Variants in CEP63 observed in about 807,000 individuals in gnomAD.
CEP63 encodes centrosomal protein of 63 kDa.
A neutral mutation model predicts 89.1 loss-of-function variants in CEP63; 84 were observed. The ratio of observed to expected loss-of-function variants is 0.94; its 90% CI spans 0.79 to 1.13. The LOEUF (loss-of-function observed/expected upper bound fraction) is 1.13, where lower values mean the gene tolerates loss of function less well. CEP63 is among the 50% of genes most tolerant of loss of function. CEP63 has a pLI of 0.00. For synonymous variants in CEP63, 267 were observed against 272.5 expected, an observed-to-expected ratio of 0.98 and a Z score of 0.20; for missense variants, 838 against 813.3, an observed-to-expected ratio of 1.03 and a Z score of -0.37.
chr3:134,548,140 TG>T (rs1953964334), intron 9 of CEP63, among the ~76,000 whole-genome samples: 1 of 152,192 alleles, frequency 6.6e-6, no homozygotes, highest in Non-Finnish European at 1.5e-5. Flanking sequence ...ATCACCCATC[TG>T]GGGGAAAAAC....
chr3:134,532,025 A>G (rs560352769), intron 4 of CEP63, 85 bp downstream of exon 4: 6 of 876,470 alleles, frequency 6.8e-6, no homozygotes, highest in Admixed American at 4.2e-5. Flanking sequence ...GCCAGTTTCT[A>G]CTTTGTAAAG....
At chr3:134,485,752 C>T (rs923445162), upstream of CEP63, 5 of 156,428 alleles carry the variant, frequency 3.2e-5, no homozygotes, top group African/African-American at 1.2e-4. Context: ...GCAGGATGTA[C>T]CAAACGTGGA....
chr3:134,753,361 A>G, the CEP63 span, among the ~76,000 whole-genome samples: 1 of 151,978 alleles, frequency 6.6e-6, no homozygotes, highest in Non-Finnish European at 1.5e-5. Flanking sequence ...GGGATTTGTC[A>G]TTGACTCCTG....
the CEP63 span, among the ~76,000 whole-genome samples, chr3:134,655,932 G>T: frequency 1.3e-5 from 2 of 152,148 alleles, no homozygotes; most frequent in East Asian, 3.8e-4. Flanking sequence ...TTGGTGGCTG[G>T]GAGCATTCAG....
At chr3:134,644,747 G>C in the CEP63 span, among the ~76,000 whole-genome samples, 3 of 152,326 alleles carry the variant, frequency 2.0e-5, no homozygotes, top group Non-Finnish European at 4.4e-5. Flanking sequence ...AGCCAATCAA[G>C]GTGGGGGGTG....
At chr3:134,771,841 A>C in the CEP63 span, among the ~76,000 whole-genome samples, 1 of 152,120 alleles carries the variant, frequency 6.6e-6, no homozygotes, top group East Asian at 1.9e-4. Flanking sequence ...AATGTAAAAT[A>C]AAAAAAAGAA....
chr3:134,697,513 A>G, the CEP63 span, among the ~76,000 whole-genome samples: 2 of 152,102 alleles, frequency 1.3e-5, no homozygotes, highest in Non-Finnish European at 2.9e-5. Context: ...GTATGGGGAG[A>G]TGGAAGTGTT....
At chr3:134,621,851 ACTC>A in the CEP63 span, among the ~76,000 whole-genome samples, 28 of 152,228 alleles carry the variant, frequency 1.8e-4, no homozygotes, top group South Asian at 5.6e-3. Context: ...TATAAAAAGA[ACTC>A]CTACAACTCC....
rs1363699887 is a variant in CEP63, at chr3:134,562,174, G to T, written c.*639G>T. 5 of 986,286 alleles carry T rather than the reference G, an allele frequency of 5.1e-6. No individual in the cohort carries two copies. The highest frequency in any genetic ancestry group is 6.0e-6 in the Non-Finnish European group (5 of 830,612). The allele number at this position is 986,286 out of a possible 1,614,324, so 61.1% of individuals were successfully genotyped here. A position where few individuals can be genotyped will look rare whatever the true frequency, so the allele number is the denominator to read the frequency against. On this transcript the variant is annotated 3_prime_UTR_variant, in exon 15 of 15. Transcript: ENST00000675561. ...CTGGCTGTCATGCACGGTGCCCATGGAATATCCATTGGAAATAAATGTTCA... is the reference window on the plus strand; with the variant it reads ...CTGGCTGTCATGCACGGTGCCCATGTAATATCCATTGGAAATAAATGTTCA...
the CEP63 span, among the ~76,000 whole-genome samples, chr3:134,606,279 C>T: frequency 2.0e-5 from 3 of 152,302 alleles, no homozygotes; most frequent in South Asian, 2.1e-4. Flanking sequence ...CCTTTGAAAA[C>T]GTCCACCTGG....
At chr3:134,617,695 C>T in the CEP63 span, among the ~76,000 whole-genome samples, 1 of 152,154 alleles carries the variant, frequency 6.6e-6, no homozygotes, top group Admixed American at 6.6e-5. Flanking sequence ...TAAGGCAACA[C>T]ATGAGTTTGG....
At chr3:134,579,275 A>C (rs1210705050), downstream of CEP63, among the ~76,000 whole-genome samples, 1 of 152,240 alleles carries the variant, frequency 6.6e-6, no homozygotes, top group Admixed American at 6.5e-5. Context: ...GGTTTGGTTT[A>C]TGCAGAGCTG....
the CEP63 span, among the ~76,000 whole-genome samples, chr3:134,675,945 G>A: frequency 6.6e-6 from 1 of 152,178 alleles, no homozygotes. Flanking sequence ...AATGTAAAAT[G>A]ATACAGCCAC....
intron 1 of CEP63, among the ~76,000 whole-genome samples, chr3:134,489,649 A>G (rs113550759): frequency 0.013 from 1,960 of 152,242 alleles, 37 homozygotes; most frequent in African/African-American, 0.042. Flanking sequence ...TATTTCTTCA[A>G]TATTTATCAA....
the CEP63 span, among the ~76,000 whole-genome samples, chr3:134,741,987 A>AGTGTGTGTGT: frequency 3.3e-4 from 49 of 147,588 alleles, no homozygotes; most frequent in African/African-American, 1.1e-3. Context: ...CTGAGAGACC[A>AGTGTGTGTGT]GTGTGTGTGT....
chr3:134,770,330 G>A, the CEP63 span, among the ~76,000 whole-genome samples: 1 of 152,224 alleles, frequency 6.6e-6, no homozygotes. Context: ...AGAGTCTGTG[G>A]ATCACTGAAT....
chr3:134,727,955 A>G, the CEP63 span, among the ~76,000 whole-genome samples: 37,625 of 151,986 alleles, frequency 0.25, 4,922 homozygotes, highest in African/African-American at 0.33. Context: ...ACAATTAGGT[A>G]ACTTATATAA....
At chr3:134,644,309 AG>A in the CEP63 span, among the ~76,000 whole-genome samples, 1 of 152,202 alleles carries the variant, frequency 6.6e-6, no homozygotes, top group East Asian at 1.9e-4. Context: ...CTCAGAGCCT[AG>A]TGGGGTCAGG....
the CEP63 span, chr3:134,598,085 C>G: frequency 2.0e-5 from 3 of 152,194 alleles, no homozygotes; most frequent in African/African-American, 7.2e-5. Context: ...GCCGAGGCAG[C>G]CAGTGTGGGG....
Sources: allele counts gnomAD v4.1 joint callset (sites outside exome capture counted in the v4.1 genomes callset), GRCh38; gene constraint gnomAD v4.1.1; transcripts MANE v1.5; gene names NCBI Gene and HGNC (gene_info 2026-07-23, HGNC 2026-07-21).